Variants in LARGE1 observed in about 807,000 individuals in gnomAD.
LARGE1 encodes the protein LARGE xylosyl- and glucuronyltransferase 1, also known as xylosyl- and glucuronyltransferase LARGE1.
In LARGE1, 43 loss-of-function variants were observed where a neutral mutation model predicts 87.6. That is an observed-to-expected ratio of 0.49 (90% CI 0.38 to 0.63). LARGE1 has a LOEUF of 0.63. Among genes scored for constraint, LARGE1 ranks in the 30% least tolerant of loss-of-function variants. The pLI, the probability that LARGE1 is intolerant of heterozygous loss-of-function variation, is 0.00. For synonymous variants in LARGE1, 434 were observed against 394.6 expected, an observed-to-expected ratio of 1.10 and a Z score of -1.18; for missense variants, 802 against 1,000.2, an observed-to-expected ratio of 0.80 and a Z score of 2.67.
the LARGE1 span, among the ~76,000 whole-genome samples, chr22:33,104,426 T>C: frequency 6.6e-6 from 1 of 152,224 alleles, no homozygotes; most frequent in Admixed American, 6.5e-5. Context: ...TGGTAAATGC[T>C]GATAGAGGCC....
At chr22:33,617,165 A>G (rs1007258086) in intron 4 of LARGE1, among the ~76,000 whole-genome samples, 1 of 152,214 alleles carries the variant, frequency 6.6e-6, no homozygotes, top group African/African-American at 2.4e-5. Flanking sequence ...AGTCCAATTC[A>G]TGGAGACATA....
intron 7 of LARGE1, among the ~76,000 whole-genome samples, chr22:33,410,350 C>G (rs575936693): frequency 6.6e-6 from 1 of 152,018 alleles, no homozygotes; most frequent in Non-Finnish European, 1.5e-5. Context: ...CCAGCCAAAT[C>G]GCATCTTGAA....
rs967539515 is a variant in LARGE1 at position 33,709,928 on chromosome 22, G to T, written c.106+51443C>A. Among the ~76,000 whole-genome samples, 4 of 149,114 alleles carry T rather than the reference G, an allele frequency of 2.7e-5. No individual in the cohort carries two copies. In the Admixed American group the frequency reaches 2.7e-4, roughly 10 times the overall value. On this transcript the variant is annotated intron_variant, in intron 2 of 14. Coordinates refer to ENST00000397394, the MANE Select transcript of LARGE1 (RefSeq NM_133642.5). ...AGGCGTGAGCCACCACGCTCAGCTG[G>T]CCAATGCTACTTTGATGTACTTTCC...
At chr22:33,082,805 C>A in the LARGE1 span, among the ~76,000 whole-genome samples, 3 of 152,092 alleles carry the variant, frequency 2.0e-5, no homozygotes, top group African/African-American at 7.2e-5. Context: ...GTGGGTGGAT[C>A]ATGAGGTCAG....
chr22:33,662,076 CAAAAAAAA>C (rs34470280), intron 2 of LARGE1, among the ~76,000 whole-genome samples: 7 of 54,894 alleles, frequency 1.3e-4, no homozygotes, highest in African/African-American at 3.6e-4. Context: ...GCTTAGGAGC[CAAAAAAAA>C]AAAAAAAAAA....
At chr22:33,524,013 C>A (rs751598867) in intron 6 of LARGE1, among the ~76,000 whole-genome samples, 13 of 152,074 alleles carry the variant, frequency 8.5e-5, no homozygotes, top group Non-Finnish European at 1.8e-4. Flanking sequence ...TCAAGCCCAG[C>A]CGGGTGTGGT....
At chr22:33,822,078 C>T (rs530016425) in intron 1 of LARGE1, among the ~76,000 whole-genome samples, 31 of 151,698 alleles carry the variant, frequency 2.0e-4, no homozygotes, top group African/African-American at 6.5e-4. Flanking sequence ...TTAATGATCC[C>T]GGTTAATTAT....
At chr22:33,754,631 C>T (rs925317879) in intron 2 of LARGE1, among the ~76,000 whole-genome samples, 12 of 152,186 alleles carry the variant, frequency 7.9e-5, no homozygotes, top group Non-Finnish European at 1.2e-4. Context: ...CCACCGTGCC[C>T]GGCCAGCTCT....
At chr22:33,883,206 C>A (rs543437739) in intron 1 of LARGE1, among the ~76,000 whole-genome samples, 38 of 152,238 alleles carry the variant, frequency 2.5e-4, no homozygotes, top group African/African-American at 8.4e-4. Flanking sequence ...CCCACAGTGT[C>A]GGGGAGCGCT....
chr22:33,266,135 C>A (rs1927918082), intron 11 of LARGE1, among the ~76,000 whole-genome samples: 1 of 139,192 alleles, frequency 7.2e-6, no homozygotes, highest in South Asian at 2.3e-4. Flanking sequence ...AATCAGTAAG[C>A]AAGAACTCAA....
chr22:33,536,337 C>T (rs1029185893), intron 6 of LARGE1, among the ~76,000 whole-genome samples: 5 of 152,184 alleles, frequency 3.3e-5, no homozygotes, highest in African/African-American at 9.7e-5. Flanking sequence ...GGCCTCCCTT[C>T]CTGTAATCTC....
chr22:33,680,177 G>A (rs1223566598), intron 2 of LARGE1, among the ~76,000 whole-genome samples: 1 of 152,148 alleles, frequency 6.6e-6, no homozygotes, highest in Non-Finnish European at 1.5e-5. Flanking sequence ...CACTGATGAA[G>A]GGCCCTAAGT....
At position 33,916,724 on chromosome 22, in the gene LARGE1, T is replaced by C. The variant is rs9619384; in HGVS notation, c.-83+3271A>G. Among the ~76,000 whole-genome samples, 841 of 152,326 alleles carry C rather than the reference T, an allele frequency of 5.5e-3. 12 individuals are homozygous for C. Among genetic ancestry groups the C allele is most frequent in the African/African-American group, 0.019 (807 of 41,580 alleles). On this transcript the variant is annotated intron_variant, in intron 1 of 14. Transcript: ENST00000397394. ...TCTAGCCAAAAAGACACCTTCATCT[T>C]GTTCACGGACCGTAAGGAAGGCCAG...
intron 12 of LARGE1, 127 bp downstream of exon 12, chr22:33,304,102 T>A: frequency 9.5e-7 from 1 of 1,058,006 alleles, no homozygotes; most frequent in South Asian, 1.4e-5. Flanking sequence ...CCTTTCTGGG[T>A]CTCTGCTGCC....
intron 6 of LARGE1, among the ~76,000 whole-genome samples, chr22:33,559,144 C>T (rs2077779598): frequency 6.6e-6 from 1 of 152,224 alleles, no homozygotes; most frequent in South Asian, 2.1e-4. Flanking sequence ...AAGGCTCCGG[C>T]AGATCAGATG....
Position 33,202,988 on chromosome 22 carries a change from G to A in LARGE1, c.1731-36156C>T, listed in dbSNP as rs1924472682. 2.0e-5 allele frequency among the ~76,000 whole-genome samples: 3 copies of A among 151,730 alleles called. No individual in the cohort carries two copies. In the South Asian group the frequency reaches 6.2e-4, roughly 32 times the overall value. ...TTTTTGTAGGATAATAATATAATAA[G>A]ACTTTAAAAAATAAAATTTAAAAAA... On this transcript the variant is annotated intron_variant, in intron 11 of 11. Transcript: ENST00000608642.
At chr22:33,875,629 C>T (rs1380851405) in intron 1 of LARGE1, among the ~76,000 whole-genome samples, 7 of 152,222 alleles carry the variant, frequency 4.6e-5, no homozygotes, top group South Asian at 2.1e-4. Flanking sequence ...TGTCCCATGC[C>T]GCAAAGCAGG....
chr22:33,589,259 T>C (rs1472175641), intron 5 of LARGE1, among the ~76,000 whole-genome samples: 1 of 152,226 alleles, frequency 6.6e-6, no homozygotes, highest in East Asian at 1.9e-4. Flanking sequence ...ATCACAGCAC[T>C]AATTTCAAGG....
chr22:33,363,502 G>A (rs1190590912), intron 9 of LARGE1, among the ~76,000 whole-genome samples: 1 of 149,318 alleles, frequency 6.7e-6, no homozygotes, highest in East Asian at 1.9e-4. Context: ...AATCACCCCC[G>A]TGATTCAATT....
Sources: allele counts gnomAD v4.1 joint callset (sites outside exome capture counted in the v4.1 genomes callset), GRCh38; gene constraint gnomAD v4.1.1; transcripts MANE v1.5; gene names NCBI Gene and HGNC (gene_info 2026-07-23, HGNC 2026-07-21).